The following KMO variants were observed in gnomAD, a reference collection of about 807,000 sequenced individuals.
The protein encoded by KMO is kynurenine 3-monooxygenase, also known as kynurenine 3-hydroxylase.
A neutral mutation model predicts 57.8 loss-of-function variants in KMO; 24 were observed. The ratio of observed to expected loss-of-function variants is 0.42; its 90% CI spans 0.30 to 0.58. The LOEUF is 0.58. Among genes scored for constraint, KMO ranks in the 20% least tolerant of loss-of-function variants. The pLI, the probability that KMO is intolerant of heterozygous loss-of-function variation, is 0.22. For synonymous variants in KMO, 210 were observed against 193.6 expected (o/e 1.08, Z -0.70); for missense variants, 483 against 588.2 (o/e 0.82, Z 1.85).
chr1:241,577,795 T>G (rs938524034), intron 10 of KMO, among the ~76,000 whole-genome samples: 1 of 152,156 alleles, frequency 6.6e-6, no homozygotes, highest in South Asian at 2.1e-4. Flanking sequence ...AAATGCAATA[T>G]GAAATGTTGG....
intron 8 of KMO, 49 bp from the exon 9 acceptor site, chr1:241,566,442 C>T (rs758036627): frequency 8.3e-6 from 13 of 1,575,124 alleles, no homozygotes; most frequent in East Asian, 4.6e-5. Context: ...CTAGTGCCAG[C>T]GTCACTTGGC....
rs1425102867 is a variant in KMO, at chr1:241,593,621, C to A, written c.*1468C>A. ...GACAGATTGACAAGAGAAAAACAAA[C>A]ATAAATTTATTAGCGGGTATATGTA... On this transcript the variant is annotated 3_prime_UTR_variant, in exon 15 of 15. Coordinates refer to ENST00000366559, the MANE Select transcript of KMO (RefSeq NM_003679.5). 1 of 219,874 alleles carries A rather than the reference C, an allele frequency of 4.5e-6. No homozygotes were observed. The highest frequency in any genetic ancestry group is 9.9e-6 in the Non-Finnish European group (1 of 101,376). The allele number at this position is 219,874 out of a possible 1,614,324, so 13.6% of individuals were successfully genotyped here. A position where few individuals can be genotyped will look rare whatever the true frequency, so the allele number is the denominator to read the frequency against.
At chr1:241,549,266 A>AAAAGAAAGAAAGG (rs1661296428) in intron 2 of KMO, among the ~76,000 whole-genome samples, 1 of 117,556 alleles carries the variant, frequency 8.5e-6, no homozygotes, top group Non-Finnish European at 1.8e-5. Context: ...AGAAAGAAAG[A>AAAAGAAAGAAAGG]AAGGAAGGAA....
chr1:241,555,181 C>A (rs953481992), intron 4 of KMO, among the ~76,000 whole-genome samples: 4 of 152,078 alleles, frequency 2.6e-5, no homozygotes, highest in African/African-American at 9.7e-5. Flanking sequence ...ACACTTTTTA[C>A]ATTGAAATGA....
intron 7 of KMO, 152 bp downstream of exon 7, chr1:241,562,484 G>A: frequency 1.4e-6 from 1 of 724,770 alleles, no homozygotes. Context: ...GGGATGCATG[G>A]GTATCTTTTT....
At chr1:241,538,003 T>TCA (rs1312829623) in intron 1 of KMO, among the ~76,000 whole-genome samples, 2 of 152,146 alleles carry the variant, frequency 1.3e-5, no homozygotes, top group African/African-American at 2.4e-5. Flanking sequence ...AGAACAGCTT[T>TCA]CAAATCCACC....
At chr1:241,568,714 C>A in intron 10 of KMO, 67 bp downstream of exon 10, 1 of 1,462,560 alleles carries the variant, frequency 6.8e-7, no homozygotes, top group Non-Finnish European at 9.4e-7. Context: ...ACAAGTCTTA[C>A]GTAAAAAATA....
intron 1 of KMO, among the ~76,000 whole-genome samples, chr1:241,544,091 T>C (rs1661050416): frequency 6.6e-6 from 1 of 152,220 alleles, no homozygotes; most frequent in Non-Finnish European, 1.5e-5. Context: ...TTACTGTGGT[T>C]GAATTTTTAG....
At chr1:241,553,254 A>G (rs1661479373) in intron 4 of KMO, among the ~76,000 whole-genome samples, 1 of 152,202 alleles carries the variant, frequency 6.6e-6, no homozygotes, top group African/African-American at 2.4e-5. Flanking sequence ...CGACTCAAAT[A>G]TTTGGTTATG....
At chr1:241,547,295 T>C (rs1020216089) in intron 1 of KMO, among the ~76,000 whole-genome samples, 2 of 152,164 alleles carry the variant, frequency 1.3e-5, no homozygotes, top group African/African-American at 4.8e-5. Flanking sequence ...TATGGTTACA[T>C]TAAAATAAAC....
intron 5 of KMO, among the ~76,000 whole-genome samples, chr1:241,559,765 T>C: frequency 6.6e-6 from 1 of 152,204 alleles, no homozygotes; most frequent in East Asian, 1.9e-4. Context: ...TTTTGACATA[T>C]AAAAACTGTA....
intron 9 of KMO, among the ~76,000 whole-genome samples, chr1:241,567,177 A>G (rs1248455520): frequency 6.6e-6 from 1 of 152,206 alleles, no homozygotes; most frequent in Non-Finnish European, 1.5e-5. Context: ...AGGCAGCGCA[A>G]TGCTACAGAG....
intron 5 of KMO, among the ~76,000 whole-genome samples, chr1:241,556,911 T>G (rs1230965103): frequency 6.6e-6 from 1 of 151,286 alleles, no homozygotes; most frequent in Non-Finnish European, 1.5e-5. Context: ...ATAATAATAA[T>G]AATAATAAAG....
chr1:241,564,838 C>A, intron 7 of KMO, 149 bp from the exon 8 acceptor site: 1 of 562,296 alleles, frequency 1.8e-6, no homozygotes, highest in Non-Finnish European at 3.1e-6. Flanking sequence ...TTTTCTAAGA[C>A]AACTTCTATT....
chr1:241,583,091 T>C (rs1662819563), intron 10 of KMO, among the ~76,000 whole-genome samples: 4 of 152,314 alleles, frequency 2.6e-5, no homozygotes, highest in East Asian at 3.9e-4. Flanking sequence ...GGAGAATTCC[T>C]TGGGTTACTA....
intron 8 of KMO, 145 bp downstream of exon 8, chr1:241,565,203 T>C (rs1020022589): frequency 1.8e-6 from 1 of 564,304 alleles, no homozygotes; most frequent in Non-Finnish European, 3.1e-6. Flanking sequence ...AACTTTGGGA[T>C]TACTGAGGAA....
chr1:241,549,701 G>A lies in KMO; in HGVS notation c.149G>A (p.Arg50His), dbSNP rs749247096. The A allele has an allele frequency of 6.2e-6, 10 of 1,612,980 alleles. No individual in the cohort carries two copies. The highest frequency in any genetic ancestry group is 5.0e-5 in the Admixed American group (3 of 59,954). Residue 50 changes from arginine (R) to histidine (H), a missense_variant, in exon 3 of 15, where the codon CGT becomes CAT. Physicochemically the swap from Arg to His is conservative, Grantham distance 29. This residue lies in a region of KMO where 70 missense variants were observed against 78.4 expected (regional missense o/e 0.89). Coordinates refer to ENST00000366559, the MANE Select transcript of KMO (RefSeq NM_003679.5). ...GATACTCGAGTGGCTACCTTCACAC[G>A]TGGAAGAAGCATTAACTTAGCCCTT... The part of the protein sequence containing the change: ...REDTRVATFT[R>H]GRSINLALSH...
rs560668239 is a variant in KMO, at chr1:241,594,299, C to T, written c.*2146C>T. 37 of 1,053,852 alleles carry T rather than the reference C, an allele frequency of 3.5e-5. No individual in the cohort carries two copies. Among genetic ancestry groups the T allele is most frequent in the East Asian group, 3.4e-4 (14 of 41,592 alleles). The allele number at this position is 1,053,852 out of a possible 1,614,324, so 65.3% of individuals were successfully genotyped here. A position where few individuals can be genotyped will look rare whatever the true frequency, so the allele number is the denominator to read the frequency against. On this transcript the variant is annotated 3_prime_UTR_variant, in exon 15 of 15. Transcript: ENST00000366559. ...GAGGCCCAAGAGCATATGGGCAATT[C>T]GGATTTCCTGCTGGACCACAAGGTT... is the stretch of plus-strand genomic sequence containing the variant.
At chr1:241,573,924 G>T (rs1482434474) in intron 10 of KMO, among the ~76,000 whole-genome samples, 2 of 151,976 alleles carry the variant, frequency 1.3e-5, no homozygotes, top group African/African-American at 4.8e-5. Context: ...CCATTTGTTT[G>T]TGTCATCTAT....
Sources: allele counts gnomAD v4.1 joint callset (sites outside exome capture counted in the v4.1 genomes callset), GRCh38; gene constraint gnomAD v4.1.1; regional missense constraint gnomAD v4.1.1; transcripts MANE v1.5; gene names NCBI Gene and HGNC (gene_info 2026-07-23, HGNC 2026-07-21).